The following LMX1A variants were observed in gnomAD, a reference collection of about 807,000 sequenced individuals.
LMX1A encodes the protein LIM homeobox transcription factor 1-alpha.
In LMX1A, 15 loss-of-function variants were observed where a neutral mutation model predicts 49.1. The ratio of observed to expected loss-of-function variants is 0.31; its 90% CI spans 0.20 to 0.47. LMX1A has a LOEUF of 0.47. Among genes scored for constraint, LMX1A ranks in the 20% least tolerant of loss-of-function variants. The probability of loss-of-function intolerance (pLI) is 1.00; values close to 1 mark genes in which losing one functional copy is unlikely to be tolerated. For synonymous variants in LMX1A, 167 were observed against 185.7 expected, an observed-to-expected ratio of 0.90 and a Z score of 0.82; for missense variants, 372 against 475.8, an observed-to-expected ratio of 0.78 and a Z score of 2.03.
intron 3 of LMX1A, among the ~76,000 whole-genome samples, chr1:165,264,747 A>T (rs959167985): frequency 2.0e-5 from 3 of 152,060 alleles, no homozygotes; most frequent in African/African-American, 7.3e-5. Flanking sequence ...GCTTTAGCCC[A>T]AGAGTTTGAG....
At chr1:165,212,924 G>T (rs1436255677) in intron 5 of LMX1A, 1 of 152,170 alleles carries the variant, frequency 6.6e-6, no homozygotes, top group Non-Finnish European at 1.5e-5. Context: ...TCCTTAAAAA[G>T]CAGGGCGCTT....
intron 3 of LMX1A, among the ~76,000 whole-genome samples, chr1:165,330,973 G>C (rs995119663): frequency 3.5e-4 from 54 of 152,208 alleles, no homozygotes; most frequent in Non-Finnish European, 4.4e-5. Flanking sequence ...CCACAGGGAA[G>C]AAAGAGTTTG....
chr1:165,244,085 T>A (rs945480715), intron 4 of LMX1A, among the ~76,000 whole-genome samples: 4 of 152,160 alleles, frequency 2.6e-5, no homozygotes, highest in African/African-American at 4.8e-5. Flanking sequence ...AATCATTGCC[T>A]ATGTAATAAA....
chr1:165,219,030 C>A (rs1057053983), intron 4 of LMX1A: 2 of 152,238 alleles, frequency 1.3e-5, no homozygotes, highest in African/African-American at 4.8e-5. Context: ...AATGAATTTG[C>A]TTGGCACAAA....
At chr1:165,265,463 G>T (rs1432708605) in intron 3 of LMX1A, among the ~76,000 whole-genome samples, 1 of 152,222 alleles carries the variant, frequency 6.6e-6, no homozygotes, top group Non-Finnish European at 1.5e-5. Flanking sequence ...AGAGGCAGAG[G>T]AGCTCTTGTG....
At chr1:165,274,071 G>C (rs987454024) in intron 3 of LMX1A, among the ~76,000 whole-genome samples, 2 of 152,210 alleles carry the variant, frequency 1.3e-5, no homozygotes, top group Non-Finnish European at 2.9e-5. Context: ...GTATGCAGAG[G>C]TTAAGTGACC....
At chr1:165,287,007 A>C (rs1268192904) in intron 3 of LMX1A, among the ~76,000 whole-genome samples, 1 of 152,206 alleles carries the variant, frequency 6.6e-6, no homozygotes, top group Non-Finnish European at 1.5e-5. Flanking sequence ...ATTAAAATGC[A>C]GGGGGTAAAT....
intron 3 of LMX1A, among the ~76,000 whole-genome samples, chr1:165,278,759 C>T (rs1246992230): frequency 6.6e-6 from 1 of 152,182 alleles, no homozygotes; most frequent in Non-Finnish European, 1.5e-5. Flanking sequence ...CACAGCACAA[C>T]AAAAGCCTGC....
At chr1:165,346,475 A>G (rs1202363342) in intron 3 of LMX1A, among the ~76,000 whole-genome samples, 1 of 152,182 alleles carries the variant, frequency 6.6e-6, no homozygotes, top group African/African-American at 2.4e-5. Context: ...ATTCTAGCTA[A>G]TCTGTGCATG....
At chr1:165,216,674 C>T (rs1242319303) in intron 4 of LMX1A, among the ~76,000 whole-genome samples, 1 of 152,212 alleles carries the variant, frequency 6.6e-6, no homozygotes, top group African/African-American at 2.4e-5. Context: ...GACCCTTTTA[C>T]AGTCACTCCT....
chr1:165,219,251 T>C (rs1651749535), intron 4 of LMX1A: 1 of 151,722 alleles, frequency 6.6e-6, no homozygotes, highest in South Asian at 2.1e-4. Flanking sequence ...GTTGGAAAAA[T>C]CCCAACGGCC....
chr1:165,213,362 A>G (rs1040245122), intron 5 of LMX1A: 1 of 341,842 alleles, frequency 2.9e-6, no homozygotes, highest in Non-Finnish European at 5.3e-6. Context: ...GACACCTATC[A>G]TTATTACTGT....
intron 3 of LMX1A, among the ~76,000 whole-genome samples, chr1:165,252,865 G>T (rs2102641008): frequency 6.6e-6 from 1 of 152,268 alleles, no homozygotes; most frequent in African/African-American, 2.4e-5. Flanking sequence ...CTATACACAG[G>T]CCAACTACCA....
At chr1:165,259,137 G>A (rs1233576562) in intron 3 of LMX1A, among the ~76,000 whole-genome samples, 3 of 152,178 alleles carry the variant, frequency 2.0e-5, no homozygotes, top group Non-Finnish European at 4.4e-5. Flanking sequence ...AACTTTATAT[G>A]TATCTCAAGG....
intron 4 of LMX1A, among the ~76,000 whole-genome samples, chr1:165,229,207 C>T (rs1036126636): frequency 1.3e-5 from 2 of 151,830 alleles, no homozygotes; most frequent in Admixed American, 1.3e-4. Flanking sequence ...ATTTTGGATA[C>T]ATTAAAACAC....
At chr1:165,263,544 C>G (rs763101238) in intron 3 of LMX1A, among the ~76,000 whole-genome samples, 48 of 152,224 alleles carry the variant, frequency 3.2e-4, no homozygotes, top group Admixed American at 5.9e-4. Context: ...TATCTCACAG[C>G]TCCCACTATA....
intron 3 of LMX1A, among the ~76,000 whole-genome samples, chr1:165,267,593 G>A (rs537008334): frequency 6.6e-6 from 1 of 152,230 alleles, no homozygotes; most frequent in Admixed American, 6.5e-5. Context: ...AGATACTTGT[G>A]GGGAGGATAA....
intron 4 of LMX1A, among the ~76,000 whole-genome samples, chr1:165,236,757 T>A (rs925106085): frequency 7.9e-6 from 1 of 126,098 alleles, no homozygotes; most frequent in Non-Finnish European, 1.6e-5. Flanking sequence ...CTGCTGCACA[T>A]TAACTCACTT....
chr1:165,228,546 G>T (rs1217041594), intron 4 of LMX1A, among the ~76,000 whole-genome samples: 2 of 152,128 alleles, frequency 1.3e-5, no homozygotes, highest in African/African-American at 4.8e-5. Flanking sequence ...TTCACAGGTT[G>T]GGCAACAGTC....
Sources: gnomAD v4.1 joint callset for allele counts (sites outside exome capture counted in the v4.1 genomes callset) on GRCh38, gnomAD v4.1.1 for gene constraint, MANE v1.5 for transcripts, NCBI Gene and HGNC (gene_info 2026-07-23, HGNC 2026-07-21) for gene names.